The following CSTPP1 variants were observed in gnomAD, a reference collection of about 807,000 sequenced individuals.
The protein encoded by CSTPP1 is UPF0705 protein C11orf49.
At chr11:47,147,246 A>T in the CSTPP1 span, among the ~76,000 whole-genome samples, 21 of 152,230 alleles carry the variant, frequency 1.4e-4, 1 homozygote, top group Admixed American at 1.4e-3. Flanking sequence ...TCCTTTAAAT[A>T]AAAAATGATG....
the CSTPP1 span, among the ~76,000 whole-genome samples, chr11:47,020,205 A>G: frequency 6.6e-6 from 1 of 152,236 alleles, no homozygotes; most frequent in Non-Finnish European, 1.5e-5. Context: ...TCCTTTGCTC[A>G]TCTGTCCCTA....
At chr11:47,079,141 G>A in the CSTPP1 span, among the ~76,000 whole-genome samples, 4 of 152,142 alleles carry the variant, frequency 2.6e-5, no homozygotes, top group Non-Finnish European at 4.4e-5. Flanking sequence ...TCATTCGGAG[G>A]TCTTGTGGGG....
the CSTPP1 span, among the ~76,000 whole-genome samples, chr11:47,036,519 G>C: frequency 8.3e-6 from 1 of 121,070 alleles, no homozygotes; most frequent in African/African-American, 2.5e-5. Context: ...TACATTTTAG[G>C]ATTAAGCAAA....
At chr11:47,101,195 A>G in the CSTPP1 span, among the ~76,000 whole-genome samples, 4 of 58,296 alleles carry the variant, frequency 6.9e-5, no homozygotes, top group Non-Finnish European at 9.0e-5. Flanking sequence ...TTTTTATTTT[A>G]TTTTTAGTAG....
At chr11:47,058,140 C>T in the CSTPP1 span, among the ~76,000 whole-genome samples, 66 of 152,226 alleles carry the variant, frequency 4.3e-4, 1 homozygote, top group South Asian at 0.013. Context: ...TCATGACCAG[C>T]TTGGGCAACA....
the CSTPP1 span, among the ~76,000 whole-genome samples, chr11:46,958,736 C>G: frequency 7.9e-6 from 1 of 125,834 alleles, no homozygotes; most frequent in Non-Finnish European, 1.9e-5. Flanking sequence ...TGGTGTAGTT[C>G]CGTCTGAGTT....
the CSTPP1 span, among the ~76,000 whole-genome samples, chr11:46,990,606 T>C: frequency 6.6e-6 from 1 of 152,234 alleles, no homozygotes; most frequent in Non-Finnish European, 1.5e-5. Context: ...ATAGTTTCTT[T>C]TGCTGTGCAG....
At chr11:47,006,577 T>TC in the CSTPP1 span, among the ~76,000 whole-genome samples, 1 of 151,486 alleles carries the variant, frequency 6.6e-6, no homozygotes, top group East Asian at 1.9e-4. Flanking sequence ...CTACTCTCTC[T>TC]CTGTCTCTGT....
chr11:47,158,828 C>T, the CSTPP1 span, among the ~76,000 whole-genome samples: 1 of 152,322 alleles, frequency 6.6e-6, no homozygotes, highest in South Asian at 2.1e-4. Context: ...AGCCACTACG[C>T]CCAGCAAGGA....
chr11:47,129,629 G>C, the CSTPP1 span, among the ~76,000 whole-genome samples: 5 of 152,150 alleles, frequency 3.3e-5, no homozygotes, highest in Admixed American at 6.5e-5. Context: ...CACAGTATAG[G>C]GGATTCTTAT....
chr11:47,131,600 G>A, the CSTPP1 span, among the ~76,000 whole-genome samples: 1 of 152,208 alleles, frequency 6.6e-6, no homozygotes, highest in South Asian at 2.1e-4. Context: ...CTTGAAAGCA[G>A]TAGTATTCAT....
the CSTPP1 span, among the ~76,000 whole-genome samples, chr11:46,954,574 AT>A: frequency 6.6e-6 from 1 of 152,146 alleles, no homozygotes; most frequent in African/African-American, 2.4e-5. Context: ...TAAATAAAAA[AT>A]AAAATAAAAA....
At chr11:46,953,783 A>G in the CSTPP1 span, among the ~76,000 whole-genome samples, 1 of 152,246 alleles carries the variant, frequency 6.6e-6, no homozygotes, top group Non-Finnish European at 1.5e-5. Flanking sequence ...TCAGGTCTTA[A>G]GGTGATCTTA....
At chr11:47,072,408 T>C in the CSTPP1 span, among the ~76,000 whole-genome samples, 1 of 152,230 alleles carries the variant, frequency 6.6e-6, no homozygotes, top group Non-Finnish European at 1.5e-5. Flanking sequence ...GGATTTTACA[T>C]GGACAAATTA....
At chr11:47,158,226 G>C in the CSTPP1 span, among the ~76,000 whole-genome samples, 2,898 of 152,308 alleles carry the variant, frequency 0.019, 57 homozygotes, top group Admixed American at 0.061. Flanking sequence ...GCAGCCTGCA[G>C]GTCGGGCAGA....
the CSTPP1 span, among the ~76,000 whole-genome samples, chr11:46,971,056 G>A: frequency 1.3e-5 from 2 of 152,146 alleles, no homozygotes; most frequent in East Asian, 3.8e-4. Flanking sequence ...ACAAGTTAAT[G>A]CAACATTTGT....
At chr11:47,142,954 C>T in the CSTPP1 span, among the ~76,000 whole-genome samples, 2 of 152,110 alleles carry the variant, frequency 1.3e-5, no homozygotes, top group Admixed American at 6.6e-5. Flanking sequence ...GAGGAAGCAT[C>T]GTAGCCAGTC....
the CSTPP1 span, among the ~76,000 whole-genome samples, chr11:47,143,016 G>A: frequency 3.9e-5 from 6 of 152,070 alleles, no homozygotes; most frequent in Admixed American, 3.9e-4. Context: ...ACAACAGAAG[G>A]GCCAAGGGTA....
At chr11:47,111,357 C>T in the CSTPP1 span, among the ~76,000 whole-genome samples, 4 of 152,130 alleles carry the variant, frequency 2.6e-5, no homozygotes, top group Non-Finnish European at 2.9e-5. Flanking sequence ...TGTTTTTCCC[C>T]GCTACGAGTG....
Sources: gnomAD v4.1 joint callset for allele counts (sites outside exome capture counted in the v4.1 genomes callset) on GRCh38, gnomAD v4.1.1 for gene constraint, MANE v1.5 for transcripts, NCBI Gene and HGNC (gene_info 2026-07-23, HGNC 2026-07-21) for gene names.